Variants in PAX5 observed in about 807,000 individuals in gnomAD.
PAX5 encodes paired box 5, also known as paired box protein Pax-5.
A neutral mutation model predicts 43.7 loss-of-function variants in PAX5; 9 were observed. The observed-to-expected ratio is 0.21, with a 90% CI of 0.12 to 0.36. PAX5 has a LOEUF of 0.36. Ranked by LOEUF, PAX5 falls within the 10% of genes least tolerant of loss-of-function variation. The pLI is 1.00. For missense variants in PAX5, 383 were observed against 532.7 expected, an observed-to-expected ratio of 0.72 and a Z score of 2.77; for synonymous variants, 228 against 214.3, an observed-to-expected ratio of 1.06 and a Z score of -0.56.
chr9:36,836,841 G>A lies in PAX5; in HGVS notation c.*3719C>T, dbSNP rs888500078. The A allele has an allele frequency of 9.9e-5, 23 of 232,354 alleles. No homozygotes were observed. Among genetic ancestry groups the A allele is most frequent in the African/African-American group, 5.1e-4 (23 of 45,278 alleles). The allele number at this position is 232,354 out of a possible 1,614,324, so 14.4% of individuals were successfully genotyped here. A position where few individuals can be genotyped will look rare whatever the true frequency, so the allele number is the denominator to read the frequency against. On this transcript the variant is annotated 3_prime_UTR_variant, in exon 10 of 10. Transcript: ENST00000358127. Reference sequence around the variant, plus strand: ...ACCTGGACCCCTGGAGTCAGGGCTGGACCCATGTCCAGGCCTGGTCAGGGA... The same window carrying A: ...ACCTGGACCCCTGGAGTCAGGGCTGAACCCATGTCCAGGCCTGGTCAGGGA...
chr9:36,983,369 A>C (rs1039048639), intron 5 of PAX5, among the ~76,000 whole-genome samples: 2 of 152,242 alleles, frequency 1.3e-5, no homozygotes, highest in Non-Finnish European at 2.9e-5. Context: ...TTCTACGCCT[A>C]AGTGCAAGCA....
At chr9:36,855,243 C>A (rs1205466369) in intron 8 of PAX5, among the ~76,000 whole-genome samples, 1 of 152,250 alleles carries the variant, frequency 6.6e-6, no homozygotes, top group Non-Finnish European at 1.5e-5. Context: ...AATTGATCGG[C>A]TCCTGGTGTT....
intron 7 of PAX5, among the ~76,000 whole-genome samples, chr9:36,904,817 T>C (rs1376146272): frequency 1.3e-5 from 2 of 152,226 alleles, no homozygotes; most frequent in African/African-American, 2.4e-5. Context: ...AGACAGCTCG[T>C]TGGTTTATTA....
At position 36,835,609 on chromosome 9, in the gene PAX5, C is replaced by T. The variant is rs1023123172; in HGVS notation, c.*4951G>A. 2.1e-5 allele frequency: 5 copies of T among 233,166 alleles called. No individual in the cohort carries two copies. The highest frequency in any genetic ancestry group is 8.8e-5 in the African/African-American group (4 of 45,346). 14.4% of individuals were successfully genotyped at this position (233,166 alleles called of 1,614,324 possible). A position where few individuals can be genotyped will look rare whatever the true frequency, so the allele number is the denominator to read the frequency against. On this transcript the variant is annotated 3_prime_UTR_variant, in exon 10 of 10. Transcript: ENST00000358127. The stretch of plus-strand genomic sequence containing the variant: ...GTGGGGCACGCCGTGGGCTAGGAGT[C>T]GTGGCCTGACTGTCCAACTTTCCAA...
At chr9:36,907,266 A>G (rs1828905167) in intron 7 of PAX5, among the ~76,000 whole-genome samples, 3 of 152,226 alleles carry the variant, frequency 2.0e-5, no homozygotes, top group South Asian at 4.1e-4. Flanking sequence ...ATTAGCTATC[A>G]TTGTTATTAT....
chr9:36,889,944 G>A (rs550795089), intron 7 of PAX5, among the ~76,000 whole-genome samples: 17 of 114,472 alleles, frequency 1.5e-4, no homozygotes, highest in Non-Finnish European at 2.9e-4. Flanking sequence ...ACACTAACGG[G>A]GGGGGGGGGA....
intron 6 of PAX5, among the ~76,000 whole-genome samples, chr9:36,945,223 C>CTT (rs5897665): frequency 2.3e-4 from 35 of 149,362 alleles, no homozygotes; most frequent in African/African-American, 4.9e-4. Context: ...GGACAACTGT[C>CTT]TTTTTTTTTT....
In PAX5 at chr9:37,034,095, T is replaced by TTC. The variant is rs1841294872; in HGVS notation, c.-65_-64insGA. 1 of 784,284 alleles carries TTC rather than the reference T, an allele frequency of 1.3e-6. No individual in the cohort carries two copies. Among genetic ancestry groups the TTC allele is most frequent in the Non-Finnish European group, 2.0e-6 (1 of 500,194 alleles). 48.6% of individuals were successfully genotyped at this position (784,284 alleles called of 1,614,324 possible). ...GTTTCCACTTTTTTGTGCCTTTTTT[T>TTC]TTCTTTTTTTTTTTTTTTTTTTTTT... On this transcript the variant is annotated 5_prime_UTR_variant, in exon 1 of 10. Coordinates refer to ENST00000358127, the MANE Select transcript of PAX5 (RefSeq NM_016734.3).
intron 8 of PAX5, among the ~76,000 whole-genome samples, chr9:36,857,418 C>T (rs1334585628): frequency 6.6e-6 from 1 of 152,200 alleles, no homozygotes; most frequent in Non-Finnish European, 1.5e-5. Context: ...GTAAGGCATA[C>T]TCAGTGAAAT....
intron 5 of PAX5, among the ~76,000 whole-genome samples, chr9:36,970,959 A>G (rs986782548): frequency 6.6e-6 from 1 of 152,226 alleles, no homozygotes; most frequent in African/African-American, 2.4e-5. Flanking sequence ...TATCTGTGGA[A>G]TAAATGAATG....
rs2132593839 is a variant in PAX5 at position 37,034,080 on chromosome 9, T to C, written c.-49A>G. 2.8e-6 allele frequency: 3 copies of C among 1,082,964 alleles called. No individual in the cohort carries two copies. Among genetic ancestry groups the C allele is most frequent in the East Asian group, 4.9e-5 (2 of 40,596 alleles). The allele number at this position is 1,082,964 out of a possible 1,614,324, so 67.1% of individuals were successfully genotyped here. On this transcript the variant is annotated 5_prime_UTR_variant, in exon 1 of 10. Coordinates refer to ENST00000358127, the MANE Select transcript of PAX5 (RefSeq NM_016734.3). ...AATGGACAGGGAAAAGTTTCCACTT[T>C]TTTGTGCCTTTTTTTTTCTTTTTTT...
intron 3 of PAX5, among the ~76,000 whole-genome samples, chr9:37,008,934 T>G (rs570093117): frequency 6.6e-6 from 1 of 152,328 alleles, no homozygotes; most frequent in African/African-American, 2.4e-5. Context: ...AATGTTTATA[T>G]TTTTGTGTAT....
At chr9:36,951,677 A>C (rs536047059) in intron 6 of PAX5, among the ~76,000 whole-genome samples, 10 of 152,298 alleles carry the variant, frequency 6.6e-5, no homozygotes, top group African/African-American at 2.4e-4. Context: ...TTATCTTGCA[A>C]ATCCAATCTA....
At chr9:37,020,594 T>G (rs767388251) in intron 2 of PAX5, 42 bp downstream of exon 2, 5 of 1,599,828 alleles carry the variant, frequency 3.1e-6, no homozygotes, top group Non-Finnish European at 4.3e-6. Flanking sequence ...TTTTAGGTCT[T>G]TATTTGAAAG....
chr9:37,022,385 G>T (rs1415109724), intron 1 of PAX5, among the ~76,000 whole-genome samples: 1 of 152,226 alleles, frequency 6.6e-6, no homozygotes, highest in African/African-American at 2.4e-5. Flanking sequence ...GCCTTCAGAA[G>T]GCTTTGTTCT....
Position 36,846,883 on chromosome 9 carries a change from CGAGGAATACT to C in PAX5, c.1049_1058del (p.Gln350ArgfsTer50). 6.2e-7 allele frequency: 1 copy of C among 1,614,068 alleles called. No individual in the cohort carries two copies. The highest frequency in any genetic ancestry group is 8.5e-7 in the Non-Finnish European group (1 of 1,179,946). On this transcript the variant is annotated frameshift_variant, in exon 9 of 10. Coordinates refer to ENST00000358127, the MANE Select transcript of PAX5 (RefSeq NM_016734.3). LOFTEE classifies it high-confidence loss of function. ...TGGGGAACCTCCAGGAGTCGTTGTACGAGGAATACTGAGGGTGGCTGTAGGGACTCCCGGA... is the reference window on the plus strand; with the variant it reads ...TGGGGAACCTCCAGGAGTCGTTGTACGAGGGTGGCTGTAGGGACTCCCGGA...
intron 8 of PAX5, among the ~76,000 whole-genome samples, chr9:36,851,013 C>T (rs902807421): frequency 2.0e-5 from 3 of 152,196 alleles, no homozygotes; most frequent in Admixed American, 6.5e-5. Flanking sequence ...GGCATTCCTG[C>T]GGCGGGGCTG....
At chr9:36,872,274 C>T (rs549540263) in intron 8 of PAX5, among the ~76,000 whole-genome samples, 2 of 152,338 alleles carry the variant, frequency 1.3e-5, no homozygotes, top group East Asian at 3.9e-4. Context: ...TCTTATTATT[C>T]ACAGCCCCAG....
At chr9:36,967,078 G>A (rs1362619433) in intron 5 of PAX5, among the ~76,000 whole-genome samples, 2 of 152,226 alleles carry the variant, frequency 1.3e-5, no homozygotes, top group African/African-American at 4.8e-5. Flanking sequence ...AGCTTGGGCT[G>A]ACCCACAGGC....
Sources: allele counts gnomAD v4.1 joint callset (sites outside exome capture counted in the v4.1 genomes callset), GRCh38; gene constraint gnomAD v4.1.1; transcripts MANE v1.5; gene names NCBI Gene and HGNC (gene_info 2026-07-23, HGNC 2026-07-21).